Variants in IRAK1BP1 observed in about 807,000 individuals in gnomAD.
The protein encoded by IRAK1BP1 is interleukin 1 receptor associated kinase 1 binding protein 1.
A neutral mutation model predicts 28.0 loss-of-function variants in IRAK1BP1; 24 were observed. The observed-to-expected ratio is 0.86, with a 90% CI of 0.62 to 1.20. The LOEUF (loss-of-function observed/expected upper bound fraction) is 1.20. Among genes scored for constraint, IRAK1BP1 ranks in the 50% most tolerant of loss-of-function variants. The pLI is 0.00. For missense variants in IRAK1BP1, 336 were observed against 316.7 expected, an observed-to-expected ratio of 1.06 and a Z score of -0.46; for synonymous variants, 131 against 116.3, an observed-to-expected ratio of 1.13 and a Z score of -0.81.
Position 78,875,913 on chromosome 6 carries a change from G to T in IRAK1BP1, c.315+8022G>T, listed in dbSNP as rs116133962. Among the ~76,000 whole-genome samples, 1,340 of 152,220 alleles carry T rather than the reference G, an allele frequency of 8.8e-3. 21 individuals carry two copies. Among genetic ancestry groups the T allele is most frequent in the African/African-American group, 0.029 (1,213 of 41,534 alleles). ...GAATAGATGAGATGTTTTCCCAGAA[G>T]ATTTTAAAAGACTGTTTAAAGTTTT... is the stretch of plus-strand genomic sequence containing the variant. On this transcript the variant is annotated intron_variant, in intron 1 of 3. Transcript: ENST00000369940.
downstream of IRAK1BP1, chr6:78,946,590 G>A: frequency 3.5e-6 from 5 of 1,418,556 alleles, no homozygotes; most frequent in Non-Finnish European, 4.6e-6. Context: ...ATAGGAACTT[G>A]CATGTCAAAT....
the IRAK1BP1 span, among the ~76,000 whole-genome samples, chr6:78,963,674 CAG>C: frequency 6.6e-6 from 1 of 152,108 alleles, no homozygotes; most frequent in South Asian, 2.1e-4. Flanking sequence ...AATGTAGGAA[CAG>C]AGAGAATTAT....
rs754614848 is a variant in IRAK1BP1, at chr6:78,898,201, A to T, written c.650A>T (p.Asp217Val). 5.6e-6 allele frequency: 9 copies of T among 1,613,792 alleles called. No individual in the cohort carries two copies. The Admixed American group carries it at 8.3e-5, about 15-fold the overall frequency. Residue 217 changes from aspartate to valine, a missense_variant, in exon 4 of 4, where the codon GAT becomes GTT. Coordinates refer to ENST00000369940, the MANE Select transcript of IRAK1BP1 (RefSeq NM_001010844.4). ...ETKEWEGQID[D>V]HQSSRLSSSL... ...AAAGAATGGGAAGGCCAAATAGATG[A>T]TCACCAGTCATCCAGACTCTCAAGT...
At chr6:78,907,677 G>A (rs1012776587), downstream of IRAK1BP1, among the ~76,000 whole-genome samples, 1 of 152,064 alleles carries the variant, frequency 6.6e-6, no homozygotes, top group African/African-American at 2.4e-5. Flanking sequence ...AATTATATTA[G>A]ATGTTTTGCT....
At chr6:78,949,224 T>C (rs1355325981), downstream of IRAK1BP1, among the ~76,000 whole-genome samples, 1 of 152,206 alleles carries the variant, frequency 6.6e-6, no homozygotes, top group Non-Finnish European at 1.5e-5. Flanking sequence ...CTTCAGATTC[T>C]GCATTTGTCT....
At chr6:78,876,389 T>C (rs1425692941) in intron 1 of IRAK1BP1, among the ~76,000 whole-genome samples, 8 of 152,206 alleles carry the variant, frequency 5.3e-5, no homozygotes. Flanking sequence ...GAAAATGGAC[T>C]AATACACCCA....
chr6:78,972,552 A>G, the IRAK1BP1 span, among the ~76,000 whole-genome samples: 1 of 152,180 alleles, frequency 6.6e-6, no homozygotes, highest in Non-Finnish European at 1.5e-5. Flanking sequence ...AGCTGAGAGA[A>G]GAAGGCTTCA....
At chr6:78,903,999 T>G (rs760066307), downstream of IRAK1BP1, among the ~76,000 whole-genome samples, 3 of 152,102 alleles carry the variant, frequency 2.0e-5, no homozygotes, top group Non-Finnish European at 4.4e-5. Context: ...TTTCCCAAGG[T>G]TTGGGTAATA....
chr6:78,958,380 T>TGTAAAGAAGAA, the IRAK1BP1 span: 11 of 820,128 alleles, frequency 1.3e-5, no homozygotes, highest in Middle Eastern at 3.6e-4. Context: ...CTTAAATGTT[T>TGTAAAGAAGAA]CTTCTTTACA....
downstream of IRAK1BP1, among the ~76,000 whole-genome samples, chr6:78,948,860 C>T (rs558008516): frequency 5.6e-4 from 85 of 152,280 alleles, no homozygotes; most frequent in African/African-American, 1.8e-3. Context: ...TGACTTTGCA[C>T]CATCAAGTTT....
At chr6:78,964,532 G>A in the IRAK1BP1 span, among the ~76,000 whole-genome samples, 1 of 152,040 alleles carries the variant, frequency 6.6e-6, no homozygotes. Context: ...TCGCTCTGTT[G>A]CCCAGGCTGG....
chr6:78,867,989 G>A, intron 1 of IRAK1BP1, 98 bp downstream of exon 1: 2 of 1,288,522 alleles, frequency 1.6e-6, no homozygotes, highest in Middle Eastern at 2.3e-4. Flanking sequence ...AGGGAGATGT[G>A]GAGGGTCTGG....
At position 78,902,011 on chromosome 6, in the gene IRAK1BP1, A is replaced by G. The variant is rs546128838; in HGVS notation, c.*3677A>G. ...TGAGATCAAATGTGGGAGTTACTAT[A>G]TGATTATCTGCATTACAAAATGAAA... On this transcript the variant is annotated 3_prime_UTR_variant, in exon 4 of 4. Transcript: ENST00000369940. 7.9e-5 allele frequency: 12 copies of G among 152,354 alleles called. No homozygotes were observed. Among genetic ancestry groups the G allele is most frequent in the Admixed American group, 2.6e-4 (4 of 15,306 alleles). 9.4% of individuals were successfully genotyped at this position (152,354 alleles called of 1,614,324 possible).
Position 78,869,729 on chromosome 6 carries a change from A to G in IRAK1BP1, c.315+1838A>G, listed in dbSNP as rs376262144. Among the ~76,000 whole-genome samples, 6 of 152,292 alleles carry G rather than the reference A, an allele frequency of 3.9e-5. No individual in the cohort carries two copies. In the East Asian group the frequency reaches 5.8e-4, roughly 15 times the overall value. ...TCTTCACAAAGTCTGTATTCATTTT[A>G]AACTTTAGAATTCTGAGCTGTAAGA... On this transcript the variant is annotated intron_variant, in intron 1 of 3. Coordinates refer to ENST00000369940, the MANE Select transcript of IRAK1BP1 (RefSeq NM_001010844.4).
At chr6:78,974,278 T>C in the IRAK1BP1 span, among the ~76,000 whole-genome samples, 2 of 151,850 alleles carry the variant, frequency 1.3e-5, no homozygotes, top group Admixed American at 1.3e-4. Context: ...GAATGACTAC[T>C]GGGTACATAA....
intron 4 of IRAK1BP1, among the ~76,000 whole-genome samples, chr6:78,915,229 A>T (rs1211363320): frequency 6.6e-6 from 1 of 152,236 alleles, no homozygotes; most frequent in African/African-American, 2.4e-5. Context: ...AATGCATATG[A>T]TGCATTAAAT....
intron 4 of IRAK1BP1, among the ~76,000 whole-genome samples, chr6:78,923,398 G>C (rs1266567728): frequency 2.0e-5 from 3 of 152,098 alleles, no homozygotes; most frequent in Non-Finnish European, 4.4e-5. Context: ...ACCCAATACA[G>C]GAGCACCCAG....
At chr6:78,940,797 T>G in intron 4 of IRAK1BP1, 5 of 1,613,958 alleles carry the variant, frequency 3.1e-6, no homozygotes, top group Non-Finnish European at 4.2e-6. Context: ...AACAGCTGCC[T>G]TTGCTCCTCT....
At chr6:78,955,007 A>G in the IRAK1BP1 span, 1 of 1,392,100 alleles carries the variant, frequency 7.2e-7, no homozygotes, top group East Asian at 2.4e-5. Flanking sequence ...GAGCACTTAC[A>G]CAATAAAATT....
Sources: allele counts gnomAD v4.1 joint callset (sites outside exome capture counted in the v4.1 genomes callset), GRCh38; gene constraint gnomAD v4.1.1; transcripts MANE v1.5; gene names NCBI Gene and HGNC (gene_info 2026-07-23, HGNC 2026-07-21).